The following DAZ3 variants were observed in gnomAD, a reference collection of about 807,000 sequenced individuals.
DAZ3 encodes the protein deleted in azoospermia protein 3.
chrY:24,775,999 AG>A (rs2090179060), intron 15 of DAZ3, among the ~76,000 whole-genome samples: 1 of 8,746 alleles, frequency 1.1e-4, no homozygotes, highest in African/African-American at 8.9e-4. Flanking sequence ...TGAAAAAAAA[AG>A]GGGGGTGGGG....
At chrY:24,782,145 A>G (rs2090180631) in intron 15 of DAZ3, among the ~76,000 whole-genome samples, 1 of 24,926 alleles carries the variant, frequency 4.0e-5, no homozygotes, top group Admixed American at 3.8e-4. Flanking sequence ...ACAGATTGCA[A>G]TGTAAGTTAA....
intron 15 of DAZ3, among the ~76,000 whole-genome samples, chrY:24,777,058 C>T: frequency 5.7e-5 from 1 of 17,448 alleles, no homozygotes; most frequent in Non-Finnish European, 1.3e-4. Context: ...AGGCTTCAGA[C>T]GATCAAATTA....
Sources: gnomAD v4.1 joint callset for allele counts (sites outside exome capture counted in the v4.1 genomes callset) on GRCh38, gnomAD v4.1.1 for gene constraint, MANE v1.5 for transcripts, NCBI Gene and HGNC (gene_info 2026-07-23, HGNC 2026-07-21) for gene names.